The following HAUS7 variants were observed in gnomAD, a reference collection of about 807,000 sequenced individuals.
The protein encoded by HAUS7 is HAUS augmin like complex subunit 7, also known as HAUS augmin-like complex subunit 7.
HAUS7 carries 3 observed loss-of-function variants against 28.4 expected under a neutral mutation model. The ratio of observed to expected loss-of-function variants is 0.11; its 90% confidence interval spans 0.05 to 0.27. HAUS7 has a LOEUF of 0.27. Among genes scored for constraint, HAUS7 ranks in the 10% least tolerant of loss-of-function variants. The pLI, the probability that HAUS7 is intolerant of heterozygous loss-of-function variation, is 1.00. For synonymous variants in HAUS7, 165 were observed against 132.1 expected (o/e 1.25, Z -1.71); for missense variants, 284 against 297.3 (o/e 0.96, Z 0.33).
chrX:153,475,272 C>G (rs1195319005), upstream of HAUS7, among the ~76,000 whole-genome samples: 1 of 112,135 alleles, frequency 8.9e-6, no homozygotes, highest in African/African-American at 3.2e-5. Context: ...ATGGGCTGGT[C>G]CCTGCTGCGT....
At chrX:153,489,094 C>G (rs2089656477) in intron 1 of HAUS7, among the ~76,000 whole-genome samples, 1 of 112,814 alleles carries the variant, frequency 8.9e-6, no homozygotes, top group Admixed American at 9.3e-5. Context: ...AGCCAACCTG[C>G]ACTCCGAGAT....
chrX:153,451,215 A>C (rs1272384054), intron 9 of HAUS7, among the ~76,000 whole-genome samples: 1 of 112,324 alleles, frequency 8.9e-6, no homozygotes, highest in Non-Finnish European at 1.9e-5. Flanking sequence ...CTTAGCCAAG[A>C]AGCGATAAGG....
At chrX:153,450,277 C>T (rs374263103) in intron 9 of HAUS7, among the ~76,000 whole-genome samples, 34 of 112,775 alleles carry the variant, frequency 3.0e-4, no homozygotes, top group African/African-American at 8.7e-4. Context: ...AGCTGGGAGC[C>T]GCTCAGGCTC....
At chrX:153,468,016 G>A (rs2089474764) in intron 2 of HAUS7, among the ~76,000 whole-genome samples, 1 of 112,718 alleles carries the variant, frequency 8.9e-6, no homozygotes, top group African/African-American at 3.2e-5. Context: ...AACAATGTGA[G>A]CAAGAGCAAA....
At chrX:153,492,493 A>G (rs1451841952) in intron 1 of HAUS7, among the ~76,000 whole-genome samples, 1 of 112,351 alleles carries the variant, frequency 8.9e-6, no homozygotes, top group Non-Finnish European at 1.9e-5. Context: ...ACTGCAAACC[A>G]CAGATACAAA....
At position 153,470,569 on chromosome X, in the gene HAUS7, C is replaced by T; in HGVS notation, c.-12G>A. The T allele has an allele frequency of 1.7e-6, 2 of 1,204,486 alleles. No individual in the cohort carries two copies. Among genetic ancestry groups the T allele is most frequent in the Non-Finnish European group, 2.2e-6 (2 of 892,310 alleles). ...TCCTGCCCCGCCATGTTTCGCGCTCCGAGCCGCGCCCCGCCCATGCCCTGG... is the reference window on the plus strand; with the variant it reads ...TCCTGCCCCGCCATGTTTCGCGCTCTGAGCCGCGCCCCGCCCATGCCCTGG... On this transcript the variant is annotated 5_prime_UTR_variant, in exon 1 of 10. Coordinates refer to ENST00000370211, the MANE Select transcript of HAUS7 (RefSeq NM_001385482.1).
At chrX:153,473,366 C>T (rs1355310971), upstream of HAUS7, among the ~76,000 whole-genome samples, 1 of 112,598 alleles carries the variant, frequency 8.9e-6, no homozygotes, top group East Asian at 2.8e-4. Context: ...CACCTGGGGG[C>T]GCCTAGGCCC....
At chrX:153,480,482 G>A in intron 1 of HAUS7, 1 of 560,244 alleles carries the variant, frequency 1.8e-6, no homozygotes, top group Non-Finnish European at 2.2e-6. Context: ...GGCGGGGGGA[G>A]GCCTGGGTAA....
At chrX:153,453,341 T>C (rs191191979) in intron 9 of HAUS7, among the ~76,000 whole-genome samples, 7 of 111,601 alleles carry the variant, frequency 6.3e-5, no homozygotes, top group Non-Finnish European at 1.1e-4. Flanking sequence ...TGGACTCAGA[T>C]AGTGATAAGA....
intron 3 of HAUS7, among the ~76,000 whole-genome samples, chrX:153,463,606 G>A (rs945998956): frequency 3.6e-5 from 4 of 112,310 alleles, no homozygotes; most frequent in South Asian, 3.7e-4. Flanking sequence ...AGCAGAACTC[G>A]GCCTTCCTCG....
intron 9 of HAUS7, among the ~76,000 whole-genome samples, chrX:153,450,857 C>A (rs782651818): frequency 3.8e-4 from 43 of 112,461 alleles, no homozygotes; most frequent in African/African-American, 1.3e-3. Context: ...GGGAGGAGGG[C>A]CATCGAGACC....
chrX:153,468,625 G>A (rs1423100645), intron 2 of HAUS7, among the ~76,000 whole-genome samples: 5 of 112,461 alleles, frequency 4.4e-5, no homozygotes, highest in African/African-American at 1.3e-4. Context: ...TGGCCCAAAG[G>A]CACCAGAGGA....
At chrX:153,478,146 T>G (rs1457227638) in intron 1 of HAUS7, among the ~76,000 whole-genome samples, 1 of 112,760 alleles carries the variant, frequency 8.9e-6, no homozygotes, top group Admixed American at 9.3e-5. Flanking sequence ...TCCTCAATAC[T>G]GGCCCTGAAG....
chrX:153,479,226 C>T, intron 1 of HAUS7: 2 of 467,667 alleles, frequency 4.3e-6, no homozygotes, highest in Non-Finnish European at 5.3e-6. Context: ...TGGCCACCAC[C>T]GTGCCTCTCC....
chrX:153,484,654 C>T (rs1404689159), intron 1 of HAUS7, among the ~76,000 whole-genome samples: 1 of 112,870 alleles, frequency 8.9e-6, no homozygotes, highest in Non-Finnish European at 1.9e-5. Flanking sequence ...TGCATCCTTG[C>T]GTTCCAGGAA....
intron 1 of HAUS7, chrX:153,480,897 G>A (rs2089595537): frequency 2.6e-6 from 2 of 755,015 alleles, no homozygotes; most frequent in East Asian, 3.0e-4. Context: ...GGCCGGCAGG[G>A]ACCCTCAAGC....
At chrX:153,471,663 A>G (rs2089525426), upstream of HAUS7, among the ~76,000 whole-genome samples, 1 of 112,421 alleles carries the variant, frequency 8.9e-6, no homozygotes, top group Non-Finnish European at 1.9e-5. Flanking sequence ...CTACCCTGCC[A>G]TCTCCTGGAG....
Sources: gnomAD v4.1 joint callset for allele counts (sites outside exome capture counted in the v4.1 genomes callset) on GRCh38, gnomAD v4.1.1 for gene constraint, MANE v1.5 for transcripts, NCBI Gene and HGNC (gene_info 2026-07-23, HGNC 2026-07-21) for gene names.